CACNA2D3: variants seen among roughly 807,000 people sequenced by gnomAD.
CACNA2D3 encodes the protein voltage-dependent calcium channel subunit alpha-2/delta-3.
A neutral mutation model predicts 160.6 loss-of-function variants in CACNA2D3; 60 were observed. That is an observed-to-expected ratio of 0.37 (90% CI 0.30 to 0.46). The LOEUF (loss-of-function observed/expected upper bound fraction) is 0.46. Ranked by LOEUF, CACNA2D3 falls within the 20% of genes least tolerant of loss-of-function variation. The pLI is 1.00. For missense variants in CACNA2D3, 1,205 were observed against 1,365.0 expected, an observed-to-expected ratio of 0.88 and a Z score of 1.85; for synonymous variants, 558 against 492.9, an observed-to-expected ratio of 1.13 and a Z score of -1.75.
At chr3:54,536,547 T>G (rs1701892200) in intron 5 of CACNA2D3, among the ~76,000 whole-genome samples, 1 of 152,146 alleles carries the variant, frequency 6.6e-6, no homozygotes, top group Non-Finnish European at 1.5e-5. Flanking sequence ...AATGGGCAAA[T>G]GTGTTCTCCA....
intron 5 of CACNA2D3, among the ~76,000 whole-genome samples, chr3:54,507,818 A>G (rs939265665): frequency 6.6e-6 from 1 of 152,212 alleles, no homozygotes; most frequent in African/African-American, 2.4e-5. Flanking sequence ...CTGTAACTGC[A>G]TACAATACCT....
chr3:54,701,373 T>G (rs898901429), intron 11 of CACNA2D3, among the ~76,000 whole-genome samples: 1 of 152,224 alleles, frequency 6.6e-6, no homozygotes, highest in African/African-American at 2.4e-5. Context: ...TGTAAGGAAT[T>G]TCAAGGAGTC....
rs149945860 is a variant in CACNA2D3, at chr3:54,305,559, C to G, written c.205-14883C>G. Among the ~76,000 whole-genome samples the G allele has an allele frequency of 1.1e-3, 172 of 152,334 alleles. 6 individuals are homozygous for G. In the East Asian group the frequency reaches 0.032, roughly 28 times the overall value. On this transcript the variant is annotated intron_variant, in intron 2 of 37. Transcript: ENST00000474759. Reference sequence around the variant, plus strand: ...CACATGATGAATGTACGCTAATGATCAGACAGTACACAGGATGACTTAGTG... The same window carrying G: ...CACATGATGAATGTACGCTAATGATGAGACAGTACACAGGATGACTTAGTG...
At chr3:55,038,901 TATATATAC>T (rs1047066545) in intron 35 of CACNA2D3, among the ~76,000 whole-genome samples, 3 of 85,028 alleles carry the variant, frequency 3.5e-5, no homozygotes, top group African/African-American at 5.1e-5. Flanking sequence ...TATATATATA[TATATATAC>T]ACACACTGAA....
At chr3:54,906,490 T>C (rs1559624450) in intron 27 of CACNA2D3, among the ~76,000 whole-genome samples, 2 of 152,192 alleles carry the variant, frequency 1.3e-5, no homozygotes, top group African/African-American at 4.8e-5. Context: ...CATGCAAAGA[T>C]ATACAGGAAG....
chr3:54,502,553 C>G (rs897513984), intron 4 of CACNA2D3, among the ~76,000 whole-genome samples: 2 of 152,174 alleles, frequency 1.3e-5, no homozygotes, highest in African/African-American at 4.8e-5. Flanking sequence ...GCCTCTAGAG[C>G]ATATTAATTG....
At chr3:55,038,879 T>C (rs1575447120) in intron 35 of CACNA2D3, among the ~76,000 whole-genome samples, 1 of 97,504 alleles carries the variant, frequency 1.0e-5, no homozygotes, top group Non-Finnish European at 1.9e-5. Context: ...TATATATATA[T>C]ATATATATAT....
chr3:54,726,575 A>G (rs1245804648), intron 11 of CACNA2D3, among the ~76,000 whole-genome samples: 1 of 152,190 alleles, frequency 6.6e-6, no homozygotes, highest in Non-Finnish European at 1.5e-5. Context: ...GATATAGACC[A>G]ATGGAGCAGA....
At chr3:54,487,372 G>A (rs1394854213) in intron 4 of CACNA2D3, among the ~76,000 whole-genome samples, 2 of 152,028 alleles carry the variant, frequency 1.3e-5, no homozygotes, top group Non-Finnish European at 2.9e-5. Flanking sequence ...TGTATCAAAG[G>A]GGGAAAAAAA....
At chr3:55,044,946 A>G (rs1455975721) in intron 35 of CACNA2D3, among the ~76,000 whole-genome samples, 1 of 152,192 alleles carries the variant, frequency 6.6e-6, no homozygotes, top group Non-Finnish European at 1.5e-5. Context: ...GGGGTAAACC[A>G]TACTTGGTCA....
chr3:54,943,403 C>T (rs1259122942), intron 27 of CACNA2D3, among the ~76,000 whole-genome samples: 1 of 152,106 alleles, frequency 6.6e-6, no homozygotes, highest in East Asian at 1.9e-4. Context: ...TCCTTTAATA[C>T]ATGGTGCTTT....
chr3:54,442,391 G>A (rs1682001526), intron 4 of CACNA2D3, among the ~76,000 whole-genome samples: 1 of 152,136 alleles, frequency 6.6e-6, no homozygotes, highest in South Asian at 2.1e-4. Context: ...CAGATGCTGT[G>A]CTTGGAGGTG....
chr3:54,791,194 C>T (rs1381043301), intron 13 of CACNA2D3, among the ~76,000 whole-genome samples: 1 of 152,194 alleles, frequency 6.6e-6, no homozygotes, highest in Non-Finnish European at 1.5e-5. Flanking sequence ...AGGTCCATCA[C>T]CAGGAATTTG....
chr3:54,503,431 A>G, intron 4 of CACNA2D3, 61 bp from the exon 5 acceptor site: 2 of 1,497,536 alleles, frequency 1.3e-6, no homozygotes, highest in Non-Finnish European at 1.9e-6. Flanking sequence ...GCCCAGGTCT[A>G]AGTGAGTTCA....
chr3:54,417,539 A>G lies in CACNA2D3; in HGVS notation c.381+30765A>G, dbSNP rs1337299982. The stretch of plus-strand genomic sequence containing the variant: ...TAGCAACTATTTTTCTGCAGGTTGT[A>G]TGCTCATTCTTTTAGGAAATCTAGC... On this transcript the variant is annotated intron_variant, in intron 4 of 37. Coordinates refer to ENST00000474759, the MANE Select transcript of CACNA2D3 (RefSeq NM_018398.3). Among the ~76,000 whole-genome samples the G allele has an allele frequency of 4.5e-5, 6 of 133,948 alleles. No homozygotes were observed. In the East Asian group the frequency reaches 9.6e-4, roughly 21 times the overall value. The allele number at this position is 133,948 out of a possible 152,430, so 87.9% of individuals were successfully genotyped here. A position where few individuals can be genotyped will look rare whatever the true frequency, so the allele number is the denominator to read the frequency against.
intron 4 of CACNA2D3, among the ~76,000 whole-genome samples, chr3:54,464,747 C>T (rs569827478): frequency 9.3e-4 from 141 of 152,340 alleles, no homozygotes; most frequent in African/African-American, 3.1e-3. Flanking sequence ...AATGCCTCGC[C>T]GTGCTTCGGC....
chr3:54,358,279 C>T (rs942147342), intron 3 of CACNA2D3, among the ~76,000 whole-genome samples: 3 of 152,176 alleles, frequency 2.0e-5, no homozygotes, highest in African/African-American at 7.2e-5. Context: ...TTTGTTTTAA[C>T]CACTGGATTT....
chr3:54,846,322 G>T (rs979126949), intron 16 of CACNA2D3, 71 bp from the exon 17 acceptor site: 2 of 919,006 alleles, frequency 2.2e-6, no homozygotes, highest in African/African-American at 1.6e-5. Context: ...CTAAATGCCG[G>T]GCTGCTTTAT....
chr3:54,630,418 T>C (rs140549343), intron 10 of CACNA2D3, among the ~76,000 whole-genome samples: 2 of 152,172 alleles, frequency 1.3e-5, no homozygotes, highest in East Asian at 1.9e-4. Context: ...TCCCATAGCA[T>C]GCGCAGTTTA....
Sources: gnomAD v4.1 joint callset for allele counts (sites outside exome capture counted in the v4.1 genomes callset) on GRCh38, gnomAD v4.1.1 for gene constraint, MANE v1.5 for transcripts, NCBI Gene and HGNC (gene_info 2026-07-23, HGNC 2026-07-21) for gene names.